GRIK1: variants seen among roughly 807,000 people sequenced by gnomAD.
GRIK1 encodes glutamate ionotropic receptor kainate type subunit 1, also known as glutamate receptor ionotropic, kainate 1.
GRIK1 carries 69 observed loss-of-function variants against 105.7 expected under a neutral mutation model. The observed-to-expected ratio is 0.65, with a 90% CI of 0.54 to 0.80. GRIK1 has a LOEUF of 0.80. GRIK1 is among the 30% of genes least tolerant of loss of function. The pLI, the probability that GRIK1 is intolerant of heterozygous loss-of-function variation, is 0.00. For missense variants in GRIK1, 1,109 were observed against 1,167.3 expected, an observed-to-expected ratio of 0.95 and a Z score of 0.73; for synonymous variants, 438 against 431.3, an observed-to-expected ratio of 1.02 and a Z score of -0.19.
intron 1 of GRIK1, among the ~76,000 whole-genome samples, chr21:29,709,500 C>T (rs767430591): frequency 4.0e-5 from 6 of 151,740 alleles, no homozygotes; most frequent in Non-Finnish European, 8.8e-5. Flanking sequence ...AGGCTGGTCT[C>T]GAACTCCTGA....
chr21:29,537,180 A>G lies in GRIK1; in HGVS notation c.*50T>C, dbSNP rs773073950. On this transcript the variant is annotated 3_prime_UTR_variant, in exon 18 of 18. Coordinates refer to ENST00000327783, the MANE Select transcript of GRIK1 (RefSeq NM_001330994.2). ...ACACTCCTCAGAAATCCTTTCTCCA[A>G]AAATCTGTAGGGAATGCATCCTTTT... The G allele has an allele frequency of 1.4e-6, 2 of 1,406,516 alleles. No homozygotes were observed. Among genetic ancestry groups the G allele is most frequent in the East Asian group, 2.4e-5 (1 of 42,474 alleles). 87.1% of individuals were successfully genotyped at this position (1,406,516 alleles called of 1,614,324 possible). A position where few individuals can be genotyped will look rare whatever the true frequency, so the allele number is the denominator to read the frequency against.
At chr21:29,828,963 C>T (rs1228105519) in intron 1 of GRIK1, among the ~76,000 whole-genome samples, 2 of 152,118 alleles carry the variant, frequency 1.3e-5, no homozygotes. Context: ...CCTTTTAACT[C>T]AGCTCTTCTA....
At chr21:29,752,696 G>A (rs2065236584) in intron 1 of GRIK1, among the ~76,000 whole-genome samples, 1 of 152,144 alleles carries the variant, frequency 6.6e-6, no homozygotes, top group African/African-American at 2.4e-5. Context: ...AAATTAGTGA[G>A]TGTGGTGGCA....
At position 29,552,346 on chromosome 21, in the gene GRIK1, T is replaced by C. The variant is rs80062882; in HGVS notation, c.2607+2706A>G. Among the ~76,000 whole-genome samples, 1,252 of 152,230 alleles carry C rather than the reference T, an allele frequency of 8.2e-3. 22 individuals carry two copies. The highest frequency in any genetic ancestry group is 0.028 in the African/African-American group (1,184 of 41,568). ...TATTCACTAGTGAGGAATCATCAGA[T>C]ATTCTCTGTCACAACAAATTAAATG... On this transcript the variant is annotated intron_variant, in intron 16 of 17. Transcript: ENST00000327783.
At chr21:29,840,036 TC>T (rs1368378824) in intron 1 of GRIK1, among the ~76,000 whole-genome samples, 2 of 152,198 alleles carry the variant, frequency 1.3e-5, no homozygotes, top group Non-Finnish European at 2.9e-5. Flanking sequence ...AGTATGGACT[TC>T]CTTTTCCTTG....
chr21:29,555,329 G>A lies in GRIK1; in HGVS notation c.2357-27C>T. ...TGGAAGTAAAACCATCTGGATATTG[G>A]TCACCAAAATGTTGAAGAAGACATC... On this transcript the variant is annotated intron_variant, in intron 15 of 17. Transcript: ENST00000327783. 6 of 1,599,842 alleles carry A rather than the reference G, an allele frequency of 3.8e-6. No individual in the cohort carries two copies. In the Middle Eastern group the frequency reaches 5.1e-4, roughly 135 times the overall value.
chr21:29,618,857 G>C (rs955536037), intron 7 of GRIK1, among the ~76,000 whole-genome samples: 16 of 152,166 alleles, frequency 1.1e-4, no homozygotes, highest in African/African-American at 3.9e-4. Flanking sequence ...GCCGGGTGCG[G>C]TGGCTCACGA....
chr21:29,725,021 A>G (rs1236804202), intron 1 of GRIK1, among the ~76,000 whole-genome samples: 4 of 151,816 alleles, frequency 2.6e-5, no homozygotes, highest in Admixed American at 6.6e-5. Flanking sequence ...AAAAAAAAAA[A>G]AAAAAGAAAC....
intron 1 of GRIK1, among the ~76,000 whole-genome samples, chr21:29,823,985 A>T (rs2145934437): frequency 6.6e-6 from 1 of 152,102 alleles, no homozygotes; most frequent in Non-Finnish European, 1.5e-5. Flanking sequence ...GTCTAACAGG[A>T]TCCCACTAAC....
At chr21:29,582,663 A>G (rs74861975) in intron 12 of GRIK1, among the ~76,000 whole-genome samples, 225 of 152,298 alleles carry the variant, frequency 1.5e-3, no homozygotes, top group African/African-American at 5.2e-3. Context: ...TTTGAGGACT[A>G]TCTTGCCAAG....
intron 1 of GRIK1, among the ~76,000 whole-genome samples, chr21:29,853,189 C>A (rs1033227655): frequency 6.6e-6 from 1 of 152,164 alleles, no homozygotes; most frequent in Non-Finnish European, 1.5e-5. Context: ...GACATTTGTG[C>A]CATAATGAAG....
intron 1 of GRIK1, among the ~76,000 whole-genome samples, chr21:29,750,841 C>T (rs370503767): frequency 3.3e-5 from 5 of 152,268 alleles, no homozygotes; most frequent in African/African-American, 7.2e-5. Context: ...TTTTCACTCT[C>T]GTCCGTGTGA....
rs532831113 is a variant in GRIK1 at position 29,754,410 on chromosome 21, A to C, written c.119-60347T>G. ...TAAACTTCCTATAGAAAATGCATGT[A>C]AAACAGGTTTTAGAGCCAAATAATC... is the stretch of plus-strand genomic sequence containing the variant. On this transcript the variant is annotated intron_variant, in intron 1 of 17. Coordinates refer to ENST00000327783, the MANE Select transcript of GRIK1 (RefSeq NM_001330994.2). Among the ~76,000 whole-genome samples the C allele has an allele frequency of 5.3e-5, 8 of 152,354 alleles. No individual in the cohort carries two copies. The East Asian group carries it at 1.5e-3, about 29-fold the overall frequency.
chr21:29,596,968 A>G (rs1427918937), intron 8 of GRIK1, among the ~76,000 whole-genome samples: 1 of 152,112 alleles, frequency 6.6e-6, no homozygotes, highest in Non-Finnish European at 1.5e-5. Context: ...ACACACACAC[A>G]CAAACACACA....
At chr21:29,624,619 A>G (rs895050693) in intron 7 of GRIK1, among the ~76,000 whole-genome samples, 1 of 152,244 alleles carries the variant, frequency 6.6e-6, no homozygotes, top group Non-Finnish European at 1.5e-5. Context: ...ATTTAAGTAA[A>G]AGCCAACAAT....
intron 7 of GRIK1, among the ~76,000 whole-genome samples, chr21:29,616,743 A>T (rs758644868): frequency 1.3e-5 from 2 of 152,248 alleles, no homozygotes; most frequent in South Asian, 2.1e-4. Context: ...ATTTGACTTA[A>T]TGATGTTTTA....
intron 14 of GRIK1, among the ~76,000 whole-genome samples, chr21:29,563,350 AC>A (rs1477581715): frequency 6.6e-6 from 1 of 152,170 alleles, no homozygotes; most frequent in Admixed American, 6.5e-5. Flanking sequence ...TTAGGGGAGG[AC>A]AGATGGCTTT....
intron 1 of GRIK1, among the ~76,000 whole-genome samples, chr21:29,733,559 C>A (rs1186172046): frequency 6.6e-6 from 1 of 151,868 alleles, no homozygotes; most frequent in African/African-American, 2.4e-5. Context: ...TAAAACTTTC[C>A]CATTCTTATG....
intron 1 of GRIK1, among the ~76,000 whole-genome samples, chr21:29,741,226 A>G (rs1319282788): frequency 6.6e-6 from 1 of 152,200 alleles, no homozygotes; most frequent in African/African-American, 2.4e-5. Flanking sequence ...AGTTCCTAGG[A>G]CATTAAATGG....
Sources: allele counts gnomAD v4.1 joint callset (sites outside exome capture counted in the v4.1 genomes callset), GRCh38; gene constraint gnomAD v4.1.1; transcripts MANE v1.5; gene names NCBI Gene and HGNC (gene_info 2026-07-23, HGNC 2026-07-21).